Variants in SH3PXD2A observed in about 807,000 individuals in gnomAD.
SH3PXD2A encodes the protein SH3 and PX domains 2A.
In SH3PXD2A, 32 loss-of-function variants were observed where a neutral mutation model predicts 115.2. The ratio of observed to expected loss-of-function variants is 0.28; its 90% CI spans 0.21 to 0.37. The LOEUF (loss-of-function observed/expected upper bound fraction) is 0.37. SH3PXD2A is among the 10% of genes least tolerant of loss of function. The probability of loss-of-function intolerance (pLI) is 1.00; values close to 1 mark genes in which losing one functional copy is unlikely to be tolerated. For synonymous variants in SH3PXD2A, 610 were observed against 629.1 expected (o/e 0.97, Z 0.45); for missense variants, 1,328 against 1,498.7 (o/e 0.89, Z 1.88).
At chr10:103,695,341 A>G (rs1293454435) in intron 5 of SH3PXD2A, among the ~76,000 whole-genome samples, 1 of 152,018 alleles carries the variant, frequency 6.6e-6, no homozygotes, top group African/African-American at 2.4e-5. Flanking sequence ...GAGACCCCCT[A>G]TCTCTACCAA....
rs548020613 is a variant in SH3PXD2A at position 103,753,201 on chromosome 10, T to C, written c.229+13893A>G. 2.2e-3 allele frequency among the ~76,000 whole-genome samples: 334 copies of C among 150,634 alleles called. 1 individual carries two copies. Among genetic ancestry groups the C allele is most frequent in the African/African-American group, 7.7e-3 (315 of 41,006 alleles). ...GACATAAAGAATAGTGGTCAAAGGC[T>C]GGGTGCAGTGACTCACGCCTGTAAT... On this transcript the variant is annotated intron_variant, in intron 3 of 14. Transcript: ENST00000369774.
In SH3PXD2A at chr10:103,602,771, C is replaced by T; in HGVS notation, c.2447G>A (p.Arg816Lys). The T allele has an allele frequency of 6.2e-7, 1 of 1,614,068 alleles. No homozygotes were observed. Among genetic ancestry groups the T allele is most frequent in the South Asian group, 1.1e-5 (1 of 91,070 alleles). Residue 816 changes from arginine to lysine, a missense_variant, in exon 15 of 15, where the codon AGG (arginine) becomes AAG (lysine). Transcript: ENST00000369774. ...TASEAPSEGS[R>K]RSSSDLITLP... ...GGTGATGAGGTCGGATGAGCTTCTC[C>T]TAGACCCCTCACTGGGAGCCTCGGA...
At chr10:103,692,939 GC>G in intron 6 of SH3PXD2A, 88 bp downstream of exon 6, 1 of 579,602 alleles carries the variant, frequency 1.7e-6, no homozygotes, top group Non-Finnish European at 3.2e-6. Context: ...CCCCCTCCCC[GC>G]CCCCAAGAAG....
chr10:103,702,474 G>C (rs140124838), intron 5 of SH3PXD2A, among the ~76,000 whole-genome samples: 1 of 152,308 alleles, frequency 6.6e-6, no homozygotes, highest in East Asian at 1.9e-4. Flanking sequence ...TGGGGCACTA[G>C]AGCTAGCCCT....
intron 5 of SH3PXD2A, among the ~76,000 whole-genome samples, chr10:103,714,173 G>A (rs2038078421): frequency 6.6e-6 from 1 of 152,164 alleles, no homozygotes; most frequent in South Asian, 2.1e-4. Flanking sequence ...CAGCAAAGCA[G>A]GCCTCAGCGC....
chr10:103,781,607 T>C (rs1359201742), intron 2 of SH3PXD2A, among the ~76,000 whole-genome samples: 1 of 152,116 alleles, frequency 6.6e-6, no homozygotes, highest in Non-Finnish European at 1.5e-5. Flanking sequence ...CAATAGAAAA[T>C]GTAGATTCCT....
Position 103,795,903 on chromosome 10 carries a change from A to AAAGGAAGGAAGGAAGGAAGG in SH3PXD2A, c.153+5359_153+5378dup, listed in dbSNP as rs747408854. ...GAGAGAGGGAGAGAGGGAGGGAGGAAAAGGAAGGAAGGAAGGAAGGAAGGA... is the reference window on the plus strand; with the variant it reads ...GAGAGAGGGAGAGAGGGAGGGAGGAAAAGGAAGGAAGGAAGGAAGGAAGGAAGGAAGGAAGGAAGGAAGGA... On this transcript the variant is annotated intron_variant, in intron 2 of 14. Coordinates refer to ENST00000369774, the MANE Select transcript of SH3PXD2A (RefSeq NM_001394015.1). Among the ~76,000 whole-genome samples the AAAGGAAGGAAGGAAGGAAGG allele has an allele frequency of 1.9e-3, 227 of 120,086 alleles. 4 individuals carry two copies. The highest frequency in any genetic ancestry group is 4.7e-3 in the South Asian group (15 of 3,176). The allele number at this position is 120,086 out of a possible 152,430, so 78.8% of individuals were successfully genotyped here.
At chr10:103,796,954 C>T (rs1222821988) in intron 2 of SH3PXD2A, among the ~76,000 whole-genome samples, 1 of 151,606 alleles carries the variant, frequency 6.6e-6, no homozygotes, top group Non-Finnish European at 1.5e-5. Flanking sequence ...CTGGACCTCC[C>T]CGGCCTCAAG....
At position 103,843,466 on chromosome 10, in the gene SH3PXD2A, C is replaced by A. The variant is rs138238656; in HGVS notation, c.72+11729G>T. 1.5e-3 allele frequency among the ~76,000 whole-genome samples: 231 copies of A among 152,324 alleles called. 2 individuals carry two copies. The highest frequency in any genetic ancestry group is 5.3e-3 in the African/African-American group (222 of 41,562). Reference sequence around the variant, plus strand: ...CCCAAGAGGAGGATGTGGAGACTGGCAGCTGAACCCTCTGAAGGGCCAGGC... The same window carrying A: ...CCCAAGAGGAGGATGTGGAGACTGGAAGCTGAACCCTCTGAAGGGCCAGGC... On this transcript the variant is annotated intron_variant, in intron 1 of 14. Transcript: ENST00000369774.
rs1592255323 is a variant in SH3PXD2A, at chr10:103,602,515, T to G, written c.2703A>C (p.Gln901His). ...CCAGCTCTTTGCCAGAGGGGTCAGG[T>G]TGCTCGTTCTCATCCAGCACCAAAT... ...SHYLVLDENEQPDPSGKELDT... is the reference protein window; with the variant it reads ...SHYLVLDENEHPDPSGKELDT... Residue 901 changes from glutamine to histidine, a missense_variant, in exon 15 of 15, where the codon CAA becomes CAC. Physicochemically the swap from Gln to His is conservative, Grantham distance 24 (BLOSUM62 0). Around this residue, in one of 5 missense-constraint regions of SH3PXD2A, gnomAD observed 574 missense variants for 565.7 expected, o/e 1.01. Coordinates refer to ENST00000369774, the MANE Select transcript of SH3PXD2A (RefSeq NM_001394015.1). 5 of 1,614,106 alleles carry G rather than the reference T, an allele frequency of 3.1e-6. No homozygotes were observed. The highest frequency in any genetic ancestry group is 2.5e-6 in the Non-Finnish European group (3 of 1,180,002).
At chr10:103,617,397 G>T in intron 10 of SH3PXD2A, 83 bp from the exon 11 acceptor site, 1 of 988,526 alleles carries the variant, frequency 1.0e-6, no homozygotes, top group Non-Finnish European at 1.6e-6. Context: ...GCCCTGGCCT[G>T]GCTTTTGCTC....
Position 103,756,545 on chromosome 10 carries a change from GC to G in SH3PXD2A, c.229+10548del, listed in dbSNP as rs1361138102. On this transcript the variant is annotated intron_variant, in intron 3 of 14. Coordinates refer to ENST00000369774, the MANE Select transcript of SH3PXD2A (RefSeq NM_001394015.1). The surrounding 1 kb of genome is among the most constrained non-coding windows in gnomAD (Gnocchi z 4.4). ...CCAGAGGCTCCTGGGGAGGGAGGCTGCCCACCACAAAGCACCTTTCATATGC... is the reference window on the plus strand; with the variant it reads ...CCAGAGGCTCCTGGGGAGGGAGGCTGCCACCACAAAGCACCTTTCATATGC... Among the ~76,000 whole-genome samples the G allele has an allele frequency of 6.6e-6, 1 of 152,106 alleles. No homozygotes were observed. Among genetic ancestry groups the G allele is most frequent in the African/African-American group, 2.4e-5 (1 of 41,416 alleles).
intron 5 of SH3PXD2A, among the ~76,000 whole-genome samples, chr10:103,720,794 C>T (rs986362015): frequency 4.6e-5 from 7 of 152,204 alleles, no homozygotes; most frequent in South Asian, 4.1e-4. Flanking sequence ...GCCTGTCAGC[C>T]GAGGGTCATG....
At chr10:103,644,139 A>G (rs1474567998) in intron 8 of SH3PXD2A, among the ~76,000 whole-genome samples, 2 of 127,632 alleles carry the variant, frequency 1.6e-5, no homozygotes, top group South Asian at 5.0e-4. Context: ...AAAAAAAAAA[A>G]GAATCTGCCG....
intron 5 of SH3PXD2A, among the ~76,000 whole-genome samples, chr10:103,708,951 C>G (rs2038014891): frequency 6.6e-6 from 1 of 151,810 alleles, no homozygotes; most frequent in South Asian, 2.1e-4. Flanking sequence ...CATGGGTGCC[C>G]TCTCCTGCTT....
At chr10:103,697,671 G>A (rs2134137568) in intron 5 of SH3PXD2A, among the ~76,000 whole-genome samples, 1 of 152,338 alleles carries the variant, frequency 6.6e-6, no homozygotes, top group African/African-American at 2.4e-5. Flanking sequence ...ACCAAGAGAT[G>A]TAAAGGGCTT....
At chr10:103,796,859 CTTT>C (rs11352709) in intron 2 of SH3PXD2A, among the ~76,000 whole-genome samples, 43 of 114,080 alleles carry the variant, frequency 3.8e-4, no homozygotes, top group Admixed American at 4.8e-4. Flanking sequence ...TTTGGAACAT[CTTT>C]TTTTTTTTTT....
intron 5 of SH3PXD2A, among the ~76,000 whole-genome samples, chr10:103,694,286 T>TGGA (rs2037798974): frequency 8.5e-6 from 1 of 117,552 alleles, no homozygotes; most frequent in Non-Finnish European, 1.8e-5. Flanking sequence ...GGTTGGGGGT[T>TGGA]TGGGGGGATG....
intron 13 of SH3PXD2A, among the ~76,000 whole-genome samples, chr10:103,606,177 TATCATCATC>T (rs56654395): frequency 0.033 from 4,765 of 142,796 alleles, 260 homozygotes; most frequent in African/African-American, 0.11. Flanking sequence ...TTACTATTAC[TATCATCATC>T]ATCATCATCA....
Sources: gnomAD v4.1 joint callset for allele counts (sites outside exome capture counted in the v4.1 genomes callset) on GRCh38, gnomAD v4.1.1 for gene constraint, gnomAD v4.1.1 regional missense constraint, Gnocchi (gnomAD v3.1) non-coding constraint, MANE v1.5 for transcripts, NCBI Gene and HGNC (gene_info 2026-07-23, HGNC 2026-07-21) for gene names.